PTPRD: variants seen among roughly 807,000 people sequenced by gnomAD.
PTPRD encodes the protein protein tyrosine phosphatase receptor type D, also known as receptor-type tyrosine-protein phosphatase delta.
PTPRD carries 34 observed loss-of-function variants against 214.5 expected under a neutral mutation model. That is an observed-to-expected ratio of 0.16 (90% confidence interval 0.12 to 0.21). PTPRD has a LOEUF of 0.21. PTPRD is among the 10% of genes least tolerant of loss of function. The pLI is 1.00. For missense variants in PTPRD, 2,545 were observed against 2,398.7 expected (o/e 1.06, Z -1.27); for synonymous variants, 1,128 against 845.7 (o/e 1.33, Z -5.79).
chr9:10,142,727 G>A (rs893646098), intron 3 of PTPRD, among the ~76,000 whole-genome samples: 1 of 148,822 alleles, frequency 6.7e-6, no homozygotes, highest in Admixed American at 6.8e-5. Flanking sequence ...CGATTCCTCA[G>A]GGATCTGGAA....
At chr9:9,727,030 G>C (rs2098107306) in intron 7 of PTPRD, among the ~76,000 whole-genome samples, 1 of 152,166 alleles carries the variant, frequency 6.6e-6, no homozygotes, top group South Asian at 2.1e-4. Flanking sequence ...GTGAACACCT[G>C]GAGAAGAGCT....
At chr9:9,135,307 T>A (rs1569550782) in intron 10 of PTPRD, among the ~76,000 whole-genome samples, 1 of 152,288 alleles carries the variant, frequency 6.6e-6, no homozygotes, top group South Asian at 2.1e-4. Flanking sequence ...ATTCAATATC[T>A]CTTGATTTAT....
chr9:9,265,288 A>T (rs745739613), intron 9 of PTPRD, among the ~76,000 whole-genome samples: 2 of 151,646 alleles, frequency 1.3e-5, no homozygotes, highest in African/African-American at 4.8e-5. Flanking sequence ...TAGAGATAGC[A>T]TCTCATTCTG....
At chr9:9,177,831 G>C (rs1270154115) in intron 10 of PTPRD, among the ~76,000 whole-genome samples, 2 of 152,126 alleles carry the variant, frequency 1.3e-5, no homozygotes, top group Admixed American at 6.6e-5. Flanking sequence ...ACATATAAAA[G>C]ACTGAGTTAA....
At chr9:8,604,864 C>T (rs2095110188) in intron 14 of PTPRD, among the ~76,000 whole-genome samples, 1 of 152,088 alleles carries the variant, frequency 6.6e-6, no homozygotes, top group Non-Finnish European at 1.5e-5. Flanking sequence ...ATAAGGTCAT[C>T]CCTTAACATG....
At chr9:9,042,304 TGGGTTCCG>T (rs2099642529) in intron 10 of PTPRD, among the ~76,000 whole-genome samples, 1 of 152,128 alleles carries the variant, frequency 6.6e-6, no homozygotes, top group South Asian at 2.1e-4. Context: ...GAAATGTGGA[TGGGTTCCG>T]GCAAGATCAA....
At chr9:10,308,825 T>C (rs1473916996) in intron 3 of PTPRD, among the ~76,000 whole-genome samples, 2 of 152,106 alleles carry the variant, frequency 1.3e-5, no homozygotes, top group African/African-American at 4.8e-5. Context: ...TATATTTCAC[T>C]GCACAGAAAT....
intron 7 of PTPRD, among the ~76,000 whole-genome samples, chr9:9,703,436 G>T (rs978348607): frequency 1.3e-5 from 2 of 151,996 alleles, no homozygotes; most frequent in Non-Finnish European, 2.9e-5. Context: ...ATCAAAGTGG[G>T]GTTTACATGG....
At chr9:8,842,007 T>C (rs1340974945) in intron 11 of PTPRD, among the ~76,000 whole-genome samples, 3 of 68,376 alleles carry the variant, frequency 4.4e-5, no homozygotes, top group African/African-American at 1.8e-4. Flanking sequence ...CGAGACACAG[T>C]CTCAAAAAAA....
intron 33 of PTPRD, among the ~76,000 whole-genome samples, chr9:8,458,973 T>C (rs1310126631): frequency 6.6e-6 from 1 of 152,150 alleles, no homozygotes; most frequent in Non-Finnish European, 1.5e-5. Flanking sequence ...ATGAACTTCT[T>C]TCATTTGTCC....
At chr9:9,003,129 A>G (rs935331876) in intron 11 of PTPRD, among the ~76,000 whole-genome samples, 18 of 152,004 alleles carry the variant, frequency 1.2e-4, no homozygotes, top group African/African-American at 3.9e-4. Flanking sequence ...CCTGACCATT[A>G]ACTATTATTG....
chr9:10,323,723 T>C (rs960996141), intron 3 of PTPRD, among the ~76,000 whole-genome samples: 1 of 152,006 alleles, frequency 6.6e-6, no homozygotes, highest in Non-Finnish European at 1.5e-5. Flanking sequence ...TCTTAAACTT[T>C]GTCTGCTGAA....
intron 11 of PTPRD, among the ~76,000 whole-genome samples, chr9:8,854,571 T>A (rs934562220): frequency 6.6e-6 from 1 of 152,152 alleles, no homozygotes; most frequent in Non-Finnish European, 1.5e-5. Flanking sequence ...AAATTGAAAA[T>A]CAACGAAAGA....
chr9:8,749,957 G>T (rs538953764), intron 11 of PTPRD, among the ~76,000 whole-genome samples: 40 of 151,994 alleles, frequency 2.6e-4, no homozygotes, highest in Admixed American at 1.6e-3. Flanking sequence ...CAAAAAATGA[G>T]CCAGCTGTGG....
intron 10 of PTPRD, among the ~76,000 whole-genome samples, chr9:9,036,293 C>T (rs534290147): frequency 6.6e-6 from 1 of 150,600 alleles, no homozygotes; most frequent in Non-Finnish European, 1.5e-5. Flanking sequence ...ATAATTAGTG[C>T]TCTTCTAAGT....
At chr9:8,781,664 AAT>A (rs2095703522) in intron 11 of PTPRD, among the ~76,000 whole-genome samples, 1 of 702 alleles carries the variant, frequency 1.4e-3, no homozygotes, top group Admixed American at 0.042. Context: ...GCAGTGCTTT[AAT>A]GAAATGAAAT....
At chr9:9,606,455 C>T (rs1215439524) in intron 7 of PTPRD, among the ~76,000 whole-genome samples, 1 of 151,706 alleles carries the variant, frequency 6.6e-6, no homozygotes, top group African/African-American at 2.4e-5. Context: ...TCTCTTTATC[C>T]CCGTCCATCT....
chr9:9,025,572 C>T (rs1291096445), intron 10 of PTPRD, among the ~76,000 whole-genome samples: 1 of 151,944 alleles, frequency 6.6e-6, no homozygotes, highest in African/African-American at 2.4e-5. Flanking sequence ...GTATGCCACA[C>T]CAACAATGAA....
At chr9:9,180,291 T>C (rs2099927451) in intron 10 of PTPRD, among the ~76,000 whole-genome samples, 1 of 151,840 alleles carries the variant, frequency 6.6e-6, no homozygotes, top group South Asian at 2.1e-4. Flanking sequence ...GTTCATGTCT[T>C]TTGCAGGGAC....
Sources: gnomAD v4.1 joint callset for allele counts (sites outside exome capture counted in the v4.1 genomes callset) on GRCh38, gnomAD v4.1.1 for gene constraint, MANE v1.5 for transcripts, NCBI Gene and HGNC (gene_info 2026-07-23, HGNC 2026-07-21) for gene names.